The following DDX10 variants were observed in gnomAD, a reference collection of about 807,000 sequenced individuals.
DDX10 encodes the protein probable ATP-dependent RNA helicase DDX10.
DDX10 carries 74 observed loss-of-function variants against 104.3 expected under a neutral mutation model. The ratio of observed to expected loss-of-function variants is 0.71; its 90% confidence interval spans 0.59 to 0.86. DDX10 has a LOEUF of 0.86. DDX10 is among the 40% of genes least tolerant of loss of function. The probability of loss-of-function intolerance (pLI) is 0.00; values close to 1 mark genes in which losing one functional copy is unlikely to be tolerated. For synonymous variants in DDX10, 351 were observed against 353.4 expected, an observed-to-expected ratio of 0.99 and a Z score of 0.08; for missense variants, 952 against 1,040.0, an observed-to-expected ratio of 0.92 and a Z score of 1.16.
intron 13 of DDX10, among the ~76,000 whole-genome samples, chr11:108,809,355 G>A (rs557639456): frequency 1.1e-4 from 16 of 152,250 alleles, no homozygotes; most frequent in Non-Finnish European, 1.8e-4. Flanking sequence ...TAGGGACTCC[G>A]CCCCCTTCCT....
chr11:108,775,388 A>T (rs990261330), intron 13 of DDX10, among the ~76,000 whole-genome samples: 18 of 152,216 alleles, frequency 1.2e-4, no homozygotes, highest in Admixed American at 7.2e-4. Flanking sequence ...TTAAAAAAAA[A>T]TGAGTGATAT....
At chr11:108,768,206 T>G (rs982522819) in intron 13 of DDX10, among the ~76,000 whole-genome samples, 2 of 152,186 alleles carry the variant, frequency 1.3e-5, no homozygotes, top group Non-Finnish European at 2.9e-5. Context: ...GATTTTTGAC[T>G]GCCTGCCTGG....
At chr11:108,791,725 C>G (rs1861874047) in intron 13 of DDX10, among the ~76,000 whole-genome samples, 1 of 152,086 alleles carries the variant, frequency 6.6e-6, no homozygotes, top group South Asian at 2.1e-4. Flanking sequence ...TAGTTTTGGG[C>G]TAGTGTAAAT....
At chr11:108,927,074 C>T (rs145806795) in intron 17 of DDX10, among the ~76,000 whole-genome samples, 210 of 152,282 alleles carry the variant, frequency 1.4e-3, no homozygotes, top group Non-Finnish European at 2.1e-3. Context: ...CACTGTTCTC[C>T]ACCTCCAGAC....
chr11:108,681,572 G>A (rs2094235272), intron 6 of DDX10, among the ~76,000 whole-genome samples: 1 of 152,158 alleles, frequency 6.6e-6, no homozygotes, highest in Admixed American at 6.5e-5. Flanking sequence ...AGGTGTTAGA[G>A]AGTATCTACT....
At chr11:108,902,109 C>T (rs1863524284) in intron 16 of DDX10, among the ~76,000 whole-genome samples, 1 of 152,184 alleles carries the variant, frequency 6.6e-6, no homozygotes, top group Non-Finnish European at 1.5e-5. Context: ...TTCTGTTACT[C>T]ACATGACCAG....
chr11:108,923,883 C>A (rs1036785442), intron 17 of DDX10, among the ~76,000 whole-genome samples: 1 of 152,184 alleles, frequency 6.6e-6, no homozygotes. Context: ...GTAAATTGCA[C>A]TTCTAAAAAG....
At chr11:108,793,489 C>T (rs1861898347) in intron 13 of DDX10, among the ~76,000 whole-genome samples, 1 of 152,152 alleles carries the variant, frequency 6.6e-6, no homozygotes, top group South Asian at 2.1e-4. Context: ...CAAGTAGGTA[C>T]ACCTTTACCT....
chr11:108,838,256 T>C (rs990443254), intron 13 of DDX10, 190 bp from the exon 14 acceptor site: 14 of 478,676 alleles, frequency 2.9e-5, no homozygotes, highest in African/African-American at 2.2e-4. Flanking sequence ...TTAAACTCTT[T>C]TAGGTTTTGG....
chr11:108,852,102 T>C (rs748603319), intron 15 of DDX10, 51 bp from the exon 16 acceptor site: 3 of 1,428,586 alleles, frequency 2.1e-6, no homozygotes, highest in Non-Finnish European at 2.9e-6. Context: ...GTGTAGTCTG[T>C]TTTATACCTA....
At chr11:108,799,511 G>A (rs547114813) in intron 13 of DDX10, among the ~76,000 whole-genome samples, 1 of 152,296 alleles carries the variant, frequency 6.6e-6, no homozygotes, top group Non-Finnish European at 1.5e-5. Flanking sequence ...GATTATTTGA[G>A]TGACTGTTTT....
intron 17 of DDX10, among the ~76,000 whole-genome samples, chr11:108,937,725 A>T (rs1864054503): frequency 6.6e-6 from 1 of 152,192 alleles, no homozygotes; most frequent in Non-Finnish European, 1.5e-5. Context: ...TTACTAATAA[A>T]GTCTTTATTA....
chr11:108,853,219 C>T (rs978747317), intron 16 of DDX10, among the ~76,000 whole-genome samples: 4 of 152,126 alleles, frequency 2.6e-5, no homozygotes, highest in Admixed American at 6.6e-5. Flanking sequence ...TATGCTTTAA[C>T]GTGCAGGCGT....
intron 16 of DDX10, among the ~76,000 whole-genome samples, chr11:108,858,848 G>C (rs919038): frequency 0.15 from 22,865 of 152,136 alleles, 2,107 homozygotes; most frequent in East Asian, 0.27. Flanking sequence ...TGGTAAAAGG[G>C]ATACTCTAGG....
intron 13 of DDX10, among the ~76,000 whole-genome samples, chr11:108,813,371 A>G (rs1862212846): frequency 6.6e-6 from 1 of 152,166 alleles, no homozygotes; most frequent in African/African-American, 2.4e-5. Context: ...TTATTTTATG[A>G]GTGAGCTATT....
At chr11:108,872,044 A>T (rs2134624144) in intron 16 of DDX10, among the ~76,000 whole-genome samples, 1 of 152,374 alleles carries the variant, frequency 6.6e-6, no homozygotes, top group Middle Eastern at 3.4e-3. Flanking sequence ...TGCTAGTAGC[A>T]ATTTACAAAA....
chr11:108,890,684 C>G (rs1863364421), intron 16 of DDX10, among the ~76,000 whole-genome samples: 1 of 152,000 alleles, frequency 6.6e-6, no homozygotes, highest in Non-Finnish European at 1.5e-5. Context: ...TACAATCCTG[C>G]CAGAAATTTA....
chr11:108,821,703 TATG>T (rs1862327142), intron 13 of DDX10, among the ~76,000 whole-genome samples: 1 of 152,238 alleles, frequency 6.6e-6, no homozygotes, highest in Non-Finnish European at 1.5e-5. Context: ...ATGGTCCTTT[TATG>T]AACGTAAGAA....
intron 16 of DDX10, among the ~76,000 whole-genome samples, chr11:108,900,071 C>T (rs1369090659): frequency 6.6e-6 from 1 of 151,936 alleles, no homozygotes; most frequent in Non-Finnish European, 1.5e-5. Flanking sequence ...TAAAATGCGT[C>T]ACTGCACTCC....
Sources: gnomAD v4.1 joint callset for allele counts (sites outside exome capture counted in the v4.1 genomes callset) on GRCh38, gnomAD v4.1.1 for gene constraint, MANE v1.5 for transcripts, NCBI Gene and HGNC (gene_info 2026-07-23, HGNC 2026-07-21) for gene names.